Variants in SV2C observed in about 807,000 individuals in gnomAD.
SV2C encodes the protein synaptic vesicle glycoprotein 2C, also known as solute carrier family 22 member B3.
SV2C carries 49 observed loss-of-function variants against 79.7 expected under a neutral mutation model. The observed-to-expected ratio is 0.61, with a 90% confidence interval of 0.49 to 0.78. The LOEUF (loss-of-function observed/expected upper bound fraction) is 0.78. Ranked by LOEUF, SV2C falls within the 30% of genes least tolerant of loss-of-function variation. The probability of loss-of-function intolerance (pLI) is 0.00; values close to 1 mark genes in which losing one functional copy is unlikely to be tolerated. For synonymous variants in SV2C, 334 were observed against 333.2 expected (o/e 1.00, Z -0.03); for missense variants, 833 against 912.9 (o/e 0.91, Z 1.13).
chr5:75,913,962 T>TA, the SV2C span, among the ~76,000 whole-genome samples: 283 of 148,942 alleles, frequency 1.9e-3, no homozygotes, highest in South Asian at 9.0e-3. Context: ...TGAGAATAGT[T>TA]AAAAAAAAAA....
chr5:76,212,748 G>GT (rs1296383526), intron 4 of SV2C, among the ~76,000 whole-genome samples: 7 of 151,900 alleles, frequency 4.6e-5, no homozygotes, highest in African/African-American at 1.2e-4. Flanking sequence ...TTTATTTTTA[G>GT]TTTTTTTTCT....
At chr5:75,871,326 C>T in the SV2C span, among the ~76,000 whole-genome samples, 12 of 151,988 alleles carry the variant, frequency 7.9e-5, no homozygotes, top group Admixed American at 3.3e-4. Context: ...GAGAACAAGA[C>T]GTATAACCAC....
chr5:75,936,842 T>C, the SV2C span, among the ~76,000 whole-genome samples: 3 of 152,238 alleles, frequency 2.0e-5, no homozygotes, highest in Non-Finnish European at 4.4e-5. Context: ...TGATTGCCAG[T>C]TGAGCAGTGT....
chr5:75,849,530 T>C, the SV2C span, among the ~76,000 whole-genome samples: 1 of 152,220 alleles, frequency 6.6e-6, no homozygotes, highest in Non-Finnish European at 1.5e-5. Flanking sequence ...TGTATGTTAG[T>C]GTGTATTTCT....
At chr5:76,131,264 G>T (rs374640980) in intron 1 of SV2C, among the ~76,000 whole-genome samples, 70 of 152,278 alleles carry the variant, frequency 4.6e-4, no homozygotes, top group African/African-American at 1.3e-3. Flanking sequence ...ATTTGTACGT[G>T]TCTGTGAGCA....
chr5:76,169,875 G>T (rs1040098218), intron 2 of SV2C, among the ~76,000 whole-genome samples: 1 of 152,100 alleles, frequency 6.6e-6, no homozygotes, highest in Non-Finnish European at 1.5e-5. Flanking sequence ...GATTGTGTCT[G>T]GTAGTAAAAA....
chr5:75,976,233 AT>A, the SV2C span, among the ~76,000 whole-genome samples: 9 of 152,162 alleles, frequency 5.9e-5, no homozygotes, highest in African/African-American at 2.2e-4. Flanking sequence ...TTTCTCTAAT[AT>A]CATTTTTTAA....
At chr5:75,883,760 C>T in the SV2C span, among the ~76,000 whole-genome samples, 4 of 151,138 alleles carry the variant, frequency 2.6e-5, no homozygotes, top group Non-Finnish European at 4.4e-5. Flanking sequence ...GTGGGTGCAG[C>T]CCACCAGCCT....
At chr5:76,031,522 A>T in the SV2C span, among the ~76,000 whole-genome samples, 1 of 152,206 alleles carries the variant, frequency 6.6e-6, no homozygotes, top group Non-Finnish European at 1.5e-5. Flanking sequence ...GTTGGGCAGC[A>T]TCATCAAGTG....
At chr5:75,930,820 A>G in the SV2C span, among the ~76,000 whole-genome samples, 3 of 152,248 alleles carry the variant, frequency 2.0e-5, no homozygotes, top group Non-Finnish European at 2.9e-5. Context: ...TGATTTGATC[A>G]TCAGTTTCTT....
chr5:75,969,549 A>G, the SV2C span, among the ~76,000 whole-genome samples: 1 of 152,236 alleles, frequency 6.6e-6, no homozygotes, highest in Non-Finnish European at 1.5e-5. Context: ...ACAGACTTTA[A>G]ACCAACGAAG....
At chr5:75,996,770 A>G in the SV2C span, among the ~76,000 whole-genome samples, 1 of 151,028 alleles carries the variant, frequency 6.6e-6, no homozygotes, top group Admixed American at 6.6e-5. Context: ...TTCGCTCATG[A>G]TTTGGCTCTC....
chr5:76,174,315 C>A (rs1189594768), intron 2 of SV2C: 3 of 831,486 alleles, frequency 3.6e-6, no homozygotes, highest in Non-Finnish European at 3.8e-6. Context: ...GCTGCCGCGC[C>A]GCTCCGGCTG....
chr5:75,948,021 C>T, the SV2C span, among the ~76,000 whole-genome samples: 1 of 152,010 alleles, frequency 6.6e-6, no homozygotes, highest in Non-Finnish European at 1.5e-5. Context: ...TGTAGTAGCA[C>T]AATCAGGAAT....
chr5:76,186,463 A>C (rs7448004), intron 2 of SV2C, among the ~76,000 whole-genome samples: 1 of 152,172 alleles, frequency 6.6e-6, no homozygotes, highest in South Asian at 2.1e-4. Context: ...AGGCCAAGGC[A>C]GGCAGATCAC....
At chr5:76,324,691 T>TAA (rs33930503) in intron 12 of SV2C, among the ~76,000 whole-genome samples, 3 of 144,516 alleles carry the variant, frequency 2.1e-5, no homozygotes, top group South Asian at 2.2e-4. Context: ...TACAAATATT[T>TAA]AAAAAAAAAA....
At chr5:76,038,539 G>T in the SV2C span, among the ~76,000 whole-genome samples, 1 of 152,160 alleles carries the variant, frequency 6.6e-6, no homozygotes, top group Admixed American at 6.5e-5. Context: ...TTGCAGAGTT[G>T]TCATATAAAT....
intron 4 of SV2C, among the ~76,000 whole-genome samples, chr5:76,265,799 T>C (rs1279720273): frequency 6.6e-6 from 1 of 152,126 alleles, no homozygotes; most frequent in Non-Finnish European, 1.5e-5. Context: ...CTCTGTGGGC[T>C]GCACCCACTG....
the SV2C span, among the ~76,000 whole-genome samples, chr5:75,893,842 G>T: frequency 4.6e-5 from 7 of 152,076 alleles, no homozygotes; most frequent in Non-Finnish European, 8.8e-5. Context: ...TGGAAGTGAA[G>T]AAGGTGGGGA....
Sources: allele counts gnomAD v4.1 joint callset (sites outside exome capture counted in the v4.1 genomes callset), GRCh38; gene constraint gnomAD v4.1.1; transcripts MANE v1.5; gene names NCBI Gene and HGNC (gene_info 2026-07-23, HGNC 2026-07-21).